LIN7A: variants seen among roughly 807,000 people sequenced by gnomAD.
LIN7A encodes lin-7 cell polarity scaffold A.
LIN7A carries 25 observed loss-of-function variants against 29.8 expected under a neutral mutation model. The observed-to-expected ratio is 0.84, with a 90% CI of 0.61 to 1.17. LIN7A has a LOEUF of 1.17. Among genes scored for constraint, LIN7A ranks in the 50% most tolerant of loss-of-function variants. The pLI, the probability that LIN7A is intolerant of heterozygous loss-of-function variation, is 0.00. For synonymous variants in LIN7A, 118 were observed against 107.5 expected (o/e 1.10, Z -0.60); for missense variants, 239 against 287.0 (o/e 0.83, Z 1.21).
chr12:80,876,691 G>A (rs188505802), intron 2 of LIN7A, among the ~76,000 whole-genome samples: 154 of 152,272 alleles, frequency 1.0e-3, no homozygotes, highest in African/African-American at 3.5e-3. Context: ...CCATTGCATT[G>A]TACATTCCAT....
intron 5 of LIN7A, among the ~76,000 whole-genome samples, chr12:80,806,319 T>C (rs1870986592): frequency 1.3e-5 from 2 of 152,218 alleles, no homozygotes; most frequent in African/African-American, 2.4e-5. Context: ...CAATAATTTT[T>C]TTACATTTTA....
intron 4 of LIN7A, among the ~76,000 whole-genome samples, chr12:80,823,432 G>T (rs1301300473): frequency 6.6e-6 from 1 of 152,152 alleles, no homozygotes; most frequent in East Asian, 1.9e-4. Flanking sequence ...GGTACACCTG[G>T]TCCAGCCACA....
intron 4 of LIN7A, among the ~76,000 whole-genome samples, chr12:80,832,804 C>T (rs763664344): frequency 6.6e-6 from 1 of 152,138 alleles, no homozygotes; most frequent in Admixed American, 6.5e-5. Flanking sequence ...TGGTTTGGAA[C>T]TGTTTTCATG....
At chr12:80,862,214 A>T (rs1340114178) in intron 2 of LIN7A, among the ~76,000 whole-genome samples, 3 of 152,194 alleles carry the variant, frequency 2.0e-5, no homozygotes, top group Non-Finnish European at 2.9e-5. Flanking sequence ...CTGCAAAAAG[A>T]GTTTCATCAT....
chr12:80,911,153 C>T (rs1876725151), intron 1 of LIN7A, among the ~76,000 whole-genome samples: 2 of 151,934 alleles, frequency 1.3e-5, no homozygotes, highest in East Asian at 1.9e-4. Flanking sequence ...CAGTGCTATT[C>T]AGTACATATG....
chr12:80,798,581 C>T (rs1286918893), intron 5 of LIN7A, among the ~76,000 whole-genome samples: 1 of 152,048 alleles, frequency 6.6e-6, no homozygotes, highest in East Asian at 1.9e-4. Context: ...AACATTTTAA[C>T]TATTATAATA....
chr12:80,905,440 T>C (rs746358693), intron 1 of LIN7A, among the ~76,000 whole-genome samples: 1 of 152,172 alleles, frequency 6.6e-6, no homozygotes, highest in Non-Finnish European at 1.5e-5. Context: ...TGGAGTTACA[T>C]ATGGTAAATC....
intron 4 of LIN7A, 52 bp downstream of exon 4, chr12:80,845,676 CAA>C: frequency 2.1e-6 from 3 of 1,395,796 alleles, no homozygotes; most frequent in Admixed American, 2.1e-5. Context: ...TAGCAGGGGG[CAA>C]AAAAAAAGAA....
chr12:80,853,719 C>T (rs966647518), intron 2 of LIN7A, among the ~76,000 whole-genome samples: 5 of 151,210 alleles, frequency 3.3e-5, no homozygotes, highest in East Asian at 1.9e-4. Context: ...TTTTTTGAGA[C>T]GGAGTCTCAC....
At chr12:80,800,218 G>A (rs375167961) in intron 5 of LIN7A, among the ~76,000 whole-genome samples, 1 of 152,028 alleles carries the variant, frequency 6.6e-6, no homozygotes, top group Admixed American at 6.6e-5. Context: ...GGCCGGGTAC[G>A]GTGGCTCACA....
chr12:80,881,636 T>C (rs1405609784), intron 2 of LIN7A, among the ~76,000 whole-genome samples: 1 of 152,080 alleles, frequency 6.6e-6, no homozygotes, highest in Admixed American at 6.6e-5. Context: ...AAGTTATATA[T>C]ATATATATAT....
At chr12:80,817,937 A>G (rs890701328) in intron 4 of LIN7A, among the ~76,000 whole-genome samples, 1 of 152,156 alleles carries the variant, frequency 6.6e-6, no homozygotes, top group African/African-American at 2.4e-5. Context: ...CAAGAAAAAG[A>G]TCTGGCAACT....
intron 1 of LIN7A, among the ~76,000 whole-genome samples, chr12:80,926,151 T>C (rs1877570145): frequency 1.3e-5 from 2 of 152,230 alleles, no homozygotes; most frequent in African/African-American, 4.8e-5. Context: ...CACTTTGCTC[T>C]CTGGAATCAT....
intron 2 of LIN7A, among the ~76,000 whole-genome samples, chr12:80,863,926 G>A (rs1353126564): frequency 6.6e-6 from 1 of 151,904 alleles, no homozygotes. Context: ...ACATTAAAAT[G>A]TTCCTTTGAA....
intron 1 of LIN7A, among the ~76,000 whole-genome samples, chr12:80,911,616 C>T (rs575434615): frequency 6.6e-6 from 1 of 152,144 alleles, no homozygotes; most frequent in South Asian, 2.1e-4. Context: ...TGTACCTTTT[C>T]TAGTTGGGGA....
In LIN7A at chr12:80,811,615, C is replaced by T; in HGVS notation, c.552G>A (p.Leu184=). The change falls in exon 5 of 6, where the codon CTG becomes CTA. Residue 184 remains leucine (L), a synonymous_variant. Coordinates refer to ENST00000552864, the MANE Select transcript of LIN7A (RefSeq NM_004664.4). The part of the protein sequence containing the change: ...LLKAAKDSVK[L]VVRYTPKVLE... ...GAACTTTTGGGGTGTATCGCACCAC[C>T]AGCTTGACGCTGTCTTTAGCAGCCT... 6.2e-7 allele frequency: 1 copy of T among 1,614,082 alleles called. No individual in the cohort carries two copies. The highest frequency in any genetic ancestry group is 8.5e-7 in the Non-Finnish European group (1 of 1,179,990).
chr12:80,876,520 A>C (rs998258028), intron 2 of LIN7A, among the ~76,000 whole-genome samples: 1 of 152,172 alleles, frequency 6.6e-6, no homozygotes, highest in African/African-American at 2.4e-5. Context: ...AAACCACCCC[A>C]AAAAAACTAC....
chr12:80,881,321 C>G (rs1191625503), intron 2 of LIN7A, among the ~76,000 whole-genome samples: 1 of 152,148 alleles, frequency 6.6e-6, no homozygotes, highest in Admixed American at 6.6e-5. Context: ...AATGTAGGAG[C>G]CATCAGCTTT....
intron 4 of LIN7A, among the ~76,000 whole-genome samples, chr12:80,823,258 G>A (rs1871899128): frequency 6.6e-6 from 1 of 152,194 alleles, no homozygotes; most frequent in Non-Finnish European, 1.5e-5. Flanking sequence ...ATAACGTTGT[G>A]GGTGATGAGA....
Sources: gnomAD v4.1 joint callset for allele counts (sites outside exome capture counted in the v4.1 genomes callset) on GRCh38, gnomAD v4.1.1 for gene constraint, MANE v1.5 for transcripts, NCBI Gene and HGNC (gene_info 2026-07-23, HGNC 2026-07-21) for gene names.